DCAF10: variants seen among roughly 807,000 people sequenced by gnomAD.
DCAF10 encodes the protein DDB1 and CUL4 associated factor 10, also known as DDB1- and CUL4-associated factor 10.
In DCAF10, 19 loss-of-function variants were observed where a neutral mutation model predicts 51.9. The ratio of observed to expected loss-of-function variants is 0.37; its 90% CI spans 0.26 to 0.54. The LOEUF (loss-of-function observed/expected upper bound fraction) is 0.54, where lower values mean the gene tolerates loss of function less well. DCAF10 is among the 20% of genes least tolerant of loss of function. The pLI is 0.87. For synonymous variants in DCAF10, 291 were observed against 297.1 expected (o/e 0.98, Z 0.21); for missense variants, 510 against 730.6 (o/e 0.70, Z 3.48).
chr9:37,827,430 G>GGT (rs2117904932), intron 2 of DCAF10, among the ~76,000 whole-genome samples: 2 of 152,172 alleles, frequency 1.3e-5, no homozygotes, highest in African/African-American at 4.8e-5. Context: ...TTATCAAAAT[G>GGT]GTGGTAGAGT....
intron 2 of DCAF10, chr9:37,836,207 A>C (rs896444609): frequency 6.7e-7 from 1 of 1,500,330 alleles, no homozygotes; most frequent in African/African-American, 1.4e-5. Context: ...AAATGAGAAC[A>C]CTTTACAGAT....
intron 1 of DCAF10, among the ~76,000 whole-genome samples, chr9:37,807,345 T>A (rs889400583): frequency 1.3e-5 from 2 of 152,280 alleles, no homozygotes; most frequent in South Asian, 4.1e-4. Context: ...TGATTTTTTT[T>A]AACGTATCAT....
Position 37,866,321 on chromosome 9 carries a change from T to TC in DCAF10, c.*4814dup, listed in dbSNP as rs1287380300. The TC allele has an allele frequency of 2.6e-5, 4 of 152,644 alleles. No homozygotes were observed. The highest frequency in any genetic ancestry group is 9.6e-5 in the African/African-American group (4 of 41,466). The allele number at this position is 152,644 out of a possible 1,614,324, so 9.5% of individuals were successfully genotyped here. On this transcript the variant is annotated 3_prime_UTR_variant, in exon 7 of 7. Transcript: ENST00000377724. ...TCATGATGAAAAGTTAAAGTTATAT[T>TC]CATAATGTATTATTATAAGTATCCA...
intron 2 of DCAF10, among the ~76,000 whole-genome samples, chr9:37,839,296 G>C (rs1007907953): frequency 6.6e-6 from 1 of 151,920 alleles, no homozygotes; most frequent in African/African-American, 2.4e-5. Flanking sequence ...TCCTGACCTT[G>C]TGATCCACCC....
intron 3 of DCAF10, among the ~76,000 whole-genome samples, chr9:37,843,781 G>C (rs1830400366): frequency 6.6e-6 from 1 of 152,168 alleles, no homozygotes; most frequent in African/African-American, 2.4e-5. Context: ...CTAGTAGGCA[G>C]ATAACCTAAG....
At chr9:37,815,124 AT>A (rs1464090091) in intron 1 of DCAF10, among the ~76,000 whole-genome samples, 3 of 152,220 alleles carry the variant, frequency 2.0e-5, no homozygotes, top group Non-Finnish European at 2.9e-5. Context: ...TTTGACATAT[AT>A]TCATGAAAAG....
At chr9:37,824,482 C>G (rs1041580335) in intron 2 of DCAF10, among the ~76,000 whole-genome samples, 1 of 150,560 alleles carries the variant, frequency 6.6e-6, no homozygotes, top group Admixed American at 6.6e-5. Context: ...CATTATAGCT[C>G]TCAAAGCAGC....
At chr9:37,836,200 T>C in intron 2 of DCAF10, 2 of 1,487,436 alleles carry the variant, frequency 1.3e-6, no homozygotes, top group Non-Finnish European at 1.9e-6. Context: ...CAGTATGAAA[T>C]GAGAACACTT....
chr9:37,840,294 G>C (rs181247781), intron 2 of DCAF10, among the ~76,000 whole-genome samples: 1 of 152,264 alleles, frequency 6.6e-6, no homozygotes, highest in East Asian at 1.9e-4. Context: ...CAGCCTCAGG[G>C]AGGTTCTTCA....
At chr9:37,825,305 A>G (rs1428068570) in intron 2 of DCAF10, among the ~76,000 whole-genome samples, 1 of 152,250 alleles carries the variant, frequency 6.6e-6, no homozygotes, top group African/African-American at 2.4e-5. Context: ...CACAATAGCA[A>G]AAACATGGAA....
At chr9:37,800,558 A>T, upstream of DCAF10, 1 of 1,533,386 alleles carries the variant, frequency 6.5e-7, no homozygotes, top group Non-Finnish European at 8.7e-7. Flanking sequence ...CAGGCCACTC[A>T]TCCCCAGGCA....
At chr9:37,842,010 T>C in intron 2 of DCAF10, 79 bp from the exon 3 acceptor site, 1 of 1,368,022 alleles carries the variant, frequency 7.3e-7, no homozygotes. Flanking sequence ...GACTAGGTAA[T>C]ATAGTGACTG....
intron 2 of DCAF10, among the ~76,000 whole-genome samples, chr9:37,831,087 G>A (rs1279722115): frequency 6.6e-6 from 1 of 152,174 alleles, no homozygotes; most frequent in Non-Finnish European, 1.5e-5. Context: ...GCTGGGCGTG[G>A]TGGCACACGC....
chr9:37,848,018 C>T (rs889977431), intron 3 of DCAF10, among the ~76,000 whole-genome samples: 2 of 152,134 alleles, frequency 1.3e-5, no homozygotes, highest in South Asian at 2.1e-4. Context: ...GGGAGATAGT[C>T]CATGTTCATG....
At chr9:37,806,185 T>C (rs746566225) in intron 1 of DCAF10, among the ~76,000 whole-genome samples, 3 of 152,220 alleles carry the variant, frequency 2.0e-5, no homozygotes, top group Non-Finnish European at 2.9e-5. Flanking sequence ...ATTCAGCTGA[T>C]ACTGGTTCAG....
In DCAF10 at chr9:37,800,831, G is replaced by C. The variant is rs1828895682; in HGVS notation, c.-36G>C. 6.7e-7 allele frequency: 1 copy of C among 1,489,708 alleles called. No individual in the cohort carries two copies. The highest frequency in any genetic ancestry group is 8.9e-7 in the Non-Finnish European group (1 of 1,126,012). The allele number at this position is 1,489,708 out of a possible 1,614,324, so 92.3% of individuals were successfully genotyped here. A position where few individuals can be genotyped will look rare whatever the true frequency, so the allele number is the denominator to read the frequency against. ...GGGGCACTGAGGTGTCGGCCGGCGG[G>C]GCAGTGGCCCGGAGCGGGGGGCGGG... On this transcript the variant is annotated 5_prime_UTR_variant, in exon 1 of 7. Coordinates refer to ENST00000377724, the MANE Select transcript of DCAF10 (RefSeq NM_024345.5).
At position 37,857,305 on chromosome 9, in the gene DCAF10, T is replaced by C. The variant is rs750530975; in HGVS notation, c.1119T>C (p.Asp373=). The change falls in exon 5 of 7, where the codon GAT becomes GAC. Residue 373 remains aspartate, a synonymous_variant. Transcript: ENST00000377724. ...CTGGCTCACCTTGTCATCATAGTGA[T>C]TCTAATTCTTCTGAGAAACACATGT... The part of the protein sequence containing the change: ...RVSGSPCHHS[D]SNSSEKHMSR... The C allele has an allele frequency of 1.9e-6, 3 of 1,611,212 alleles. No homozygotes were observed. The highest frequency in any genetic ancestry group is 2.7e-5 in the African/African-American group (2 of 74,750).
intron 4 of DCAF10, 67 bp from the exon 5 acceptor site, chr9:37,857,174 T>C (rs972850580): frequency 3.2e-6 from 4 of 1,252,260 alleles, no homozygotes; most frequent in Non-Finnish European, 4.4e-6. Context: ...GAGTAGATAA[T>C]TAAAAAGTTA....
chr9:37,857,806 T>A (rs1395668742), intron 5 of DCAF10, among the ~76,000 whole-genome samples: 1 of 152,184 alleles, frequency 6.6e-6, no homozygotes, highest in Non-Finnish European at 1.5e-5. Context: ...TAGGATAAAG[T>A]GAGCTACCAT....
Sources: gnomAD v4.1 joint callset for allele counts (sites outside exome capture counted in the v4.1 genomes callset) on GRCh38, gnomAD v4.1.1 for gene constraint, MANE v1.5 for transcripts, NCBI Gene and HGNC (gene_info 2026-07-23, HGNC 2026-07-21) for gene names.